The following LAMA2 variants were observed in gnomAD, a reference collection of about 807,000 sequenced individuals.
LAMA2 encodes the protein laminin subunit alpha-2.
In LAMA2, 269 loss-of-function variants were observed where a neutral mutation model predicts 364.8. The observed-to-expected ratio is 0.74, with a 90% confidence interval of 0.67 to 0.82. The LOEUF (loss-of-function observed/expected upper bound fraction) is 0.82, where lower values mean the gene tolerates loss of function less well. LAMA2 is among the 40% of genes least tolerant of loss of function. The pLI, the probability that LAMA2 is intolerant of heterozygous loss-of-function variation, is 0.00. For synonymous variants in LAMA2, 1,379 were observed against 1,370.6 expected (o/e 1.01, Z -0.14); for missense variants, 3,807 against 3,873.2 (o/e 0.98, Z 0.45).
At chr6:129,106,125 G>C (rs1256187996) in intron 4 of LAMA2, among the ~76,000 whole-genome samples, 1 of 151,378 alleles carries the variant, frequency 6.6e-6, no homozygotes, top group Non-Finnish European at 1.5e-5. Context: ...AAAATCCCTG[G>C]AGAAACCATC....
At chr6:129,482,356 TC>T (rs1355637091) in intron 55 of LAMA2, among the ~76,000 whole-genome samples, 2 of 152,174 alleles carry the variant, frequency 1.3e-5, no homozygotes, top group African/African-American at 2.4e-5. Context: ...TTAAAAGCAA[TC>T]CCTCAACTGC....
intron 1 of LAMA2, among the ~76,000 whole-genome samples, chr6:128,984,735 G>C (rs1450293531): frequency 6.7e-6 from 1 of 149,984 alleles, no homozygotes; most frequent in Non-Finnish European, 1.5e-5. Context: ...GTTTAAAATT[G>C]ATAGCCATTT....
At chr6:129,467,617 A>G (rs1439066150) in intron 51 of LAMA2, among the ~76,000 whole-genome samples, 2 of 151,910 alleles carry the variant, frequency 1.3e-5, no homozygotes, top group Admixed American at 6.6e-5. Context: ...ACGGTATAAC[A>G]AACAGGGATA....
chr6:128,914,639 T>C (rs977136409), intron 1 of LAMA2, among the ~76,000 whole-genome samples: 1 of 152,160 alleles, frequency 6.6e-6, no homozygotes, highest in Non-Finnish European at 1.5e-5. Flanking sequence ...GTATCACCTA[T>C]AGATAACAAA....
chr6:128,941,506 A>G (rs947648531), intron 1 of LAMA2, among the ~76,000 whole-genome samples: 1 of 152,184 alleles, frequency 6.6e-6, no homozygotes, highest in East Asian at 1.9e-4. Context: ...GTATTCTATG[A>G]ACCCTCACTT....
intron 8 of LAMA2, among the ~76,000 whole-genome samples, chr6:129,161,936 A>T (rs572008325): frequency 6.6e-6 from 1 of 152,170 alleles, no homozygotes; most frequent in South Asian, 2.1e-4. Flanking sequence ...TGTCTTTGTT[A>T]TTGTGAATAG....
At chr6:129,056,731 T>G (rs1788514771) in intron 2 of LAMA2, among the ~76,000 whole-genome samples, 1 of 152,142 alleles carries the variant, frequency 6.6e-6, no homozygotes, top group Non-Finnish European at 1.5e-5. Context: ...TTAGTGAATA[T>G]TCAGCTTTTT....
chr6:129,197,585 G>A (rs901702269), intron 12 of LAMA2, among the ~76,000 whole-genome samples: 3 of 152,106 alleles, frequency 2.0e-5, no homozygotes, highest in African/African-American at 4.8e-5. Flanking sequence ...AATATATAAC[G>A]CCAAGCTGTA....
At position 129,106,063 on chromosome 6, in the gene LAMA2, A is replaced by G. The variant is rs529234658; in HGVS notation, c.639+7648A>G. On this transcript the variant is annotated intron_variant, in intron 4 of 64. Coordinates refer to ENST00000421865, the MANE Select transcript of LAMA2 (RefSeq NM_000426.4). ...TCTCACTCTCCTGGACTGCAGCTCAATGGAACTTAGATTCACTTTGATTCT... is the reference window on the plus strand; with the variant it reads ...TCTCACTCTCCTGGACTGCAGCTCAGTGGAACTTAGATTCACTTTGATTCT... Among the ~76,000 whole-genome samples the G allele has an allele frequency of 1.4e-3, 214 of 152,128 alleles. 1 individual carries two copies. In the Middle Eastern group the frequency reaches 0.024, roughly 17 times the overall value.
At chr6:129,118,829 C>T (rs144310211) in intron 4 of LAMA2, among the ~76,000 whole-genome samples, 1,915 of 152,220 alleles carry the variant, frequency 0.013, 19 homozygotes, top group Non-Finnish European at 0.022. Flanking sequence ...TGAGAGAAGG[C>T]AAAGCTGGGA....
chr6:129,237,406 G>C (rs1363854053), intron 12 of LAMA2, among the ~76,000 whole-genome samples: 1 of 151,576 alleles, frequency 6.6e-6, no homozygotes, highest in Non-Finnish European at 1.5e-5. Context: ...GTGTGATCTC[G>C]GCTCACTGCA....
intron 1 of LAMA2, among the ~76,000 whole-genome samples, chr6:128,995,753 T>C (rs1562905198): frequency 1.3e-5 from 2 of 152,226 alleles, no homozygotes; most frequent in South Asian, 4.1e-4. Flanking sequence ...GTTGTTAAAA[T>C]CAATTTTTGC....
At chr6:129,447,518 A>C (rs1288505403) in intron 45 of LAMA2, among the ~76,000 whole-genome samples, 1 of 152,250 alleles carries the variant, frequency 6.6e-6, no homozygotes, top group Non-Finnish European at 1.5e-5. Flanking sequence ...ACACATAACC[A>C]GAAAGATCAA....
intron 27 of LAMA2, among the ~76,000 whole-genome samples, chr6:129,319,633 A>C (rs1282053756): frequency 6.6e-6 from 1 of 152,162 alleles, no homozygotes; most frequent in East Asian, 1.9e-4. Flanking sequence ...TGACCCTTGA[A>C]CAACATGGTG....
intron 51 of LAMA2, among the ~76,000 whole-genome samples, chr6:129,470,903 A>G (rs149568140): frequency 3.9e-5 from 6 of 151,916 alleles, no homozygotes; most frequent in African/African-American, 1.4e-4. Flanking sequence ...TGAGTCAGTT[A>G]CAGAACCACA....
intron 59 of LAMA2, 124 bp from the exon 60 acceptor site, chr6:129,502,967 G>A (rs577983165): frequency 3.0e-6 from 3 of 988,306 alleles, no homozygotes; most frequent in Non-Finnish European, 4.8e-6. Context: ...GCCTGATAAA[G>A]TCCTCATCTC....
At chr6:129,466,837 T>C (rs1297005058) in intron 51 of LAMA2, among the ~76,000 whole-genome samples, 3 of 151,858 alleles carry the variant, frequency 2.0e-5, no homozygotes, top group Admixed American at 6.6e-5. Context: ...ACATATGAGC[T>C]AAGTGAGTGA....
chr6:129,461,461 T>G (rs1783252393), intron 49 of LAMA2, among the ~76,000 whole-genome samples: 1 of 152,050 alleles, frequency 6.6e-6, no homozygotes, highest in South Asian at 2.1e-4. Context: ...TTGTCAATAA[T>G]CTTAAACAAA....
chr6:129,236,404 C>T (rs1320303485), intron 12 of LAMA2, among the ~76,000 whole-genome samples: 1 of 152,118 alleles, frequency 6.6e-6, no homozygotes, highest in Non-Finnish European at 1.5e-5. Context: ...ATGCTCAGAA[C>T]TCCCTTCCCT....
Sources: gnomAD v4.1 joint callset for allele counts (sites outside exome capture counted in the v4.1 genomes callset) on GRCh38, gnomAD v4.1.1 for gene constraint, MANE v1.5 for transcripts, NCBI Gene and HGNC (gene_info 2026-07-23, HGNC 2026-07-21) for gene names.